RALYL: variants seen among roughly 807,000 people sequenced by gnomAD.
The protein encoded by RALYL is RALY RNA binding protein like.
A neutral mutation model predicts 35.1 loss-of-function variants in RALYL; 29 were observed. The observed-to-expected ratio is 0.83, with a 90% CI of 0.61 to 1.13. The LOEUF is 1.13. Among genes scored for constraint, RALYL ranks in the 50% most tolerant of loss-of-function variants. The probability of loss-of-function intolerance (pLI) is 0.00; values close to 1 mark genes in which losing one functional copy is unlikely to be tolerated. For missense variants in RALYL, 359 were observed against 360.4 expected (o/e 1.00, Z 0.03); for synonymous variants, 120 against 127.6 (o/e 0.94, Z 0.40).
intron 2 of RALYL, among the ~76,000 whole-genome samples, chr8:84,736,657 G>A (rs371253574): frequency 3.9e-5 from 6 of 151,950 alleles, no homozygotes; most frequent in Non-Finnish European, 7.4e-5. Context: ...AATGCTTAGA[G>A]GTCTATTATC....
At chr8:84,495,119 T>A (rs992944236) in intron 1 of RALYL, among the ~76,000 whole-genome samples, 16 of 152,260 alleles carry the variant, frequency 1.1e-4, no homozygotes, top group African/African-American at 3.6e-4. Flanking sequence ...GATGTTGAAT[T>A]TTATCGAAGC....
intron 2 of RALYL, among the ~76,000 whole-genome samples, chr8:84,773,557 G>T (rs1816078474): frequency 1.3e-5 from 2 of 152,074 alleles, no homozygotes; most frequent in Admixed American, 1.3e-4. Flanking sequence ...TAAGATTGAG[G>T]TTGGTCAGTT....
intron 2 of RALYL, among the ~76,000 whole-genome samples, chr8:84,540,054 C>T (rs7820792): frequency 0.37 from 55,497 of 150,796 alleles, 10,368 homozygotes; most frequent in South Asian, 0.51. Flanking sequence ...TGTTTATTCC[C>T]GGTCTATTTA....
chr8:84,747,475 G>A (rs1808890812), intron 2 of RALYL, among the ~76,000 whole-genome samples: 1 of 151,764 alleles, frequency 6.6e-6, no homozygotes, highest in Non-Finnish European at 1.5e-5. Flanking sequence ...CTCATTTACA[G>A]AGAGTTAATT....
chr8:84,250,596 G>T, intron 1 of RALYL, among the ~76,000 whole-genome samples: 1 of 152,166 alleles, frequency 6.6e-6, no homozygotes, highest in Non-Finnish European at 1.5e-5. Context: ...GCAATTTCAA[G>T]ATAGAAGTAT....
chr8:84,553,716 A>G (rs1013303136), intron 2 of RALYL, among the ~76,000 whole-genome samples: 4 of 152,220 alleles, frequency 2.6e-5, no homozygotes, highest in Non-Finnish European at 4.4e-5. Flanking sequence ...GCCTGGAAAA[A>G]AAAAAGGAGT....
intron 1 of RALYL, among the ~76,000 whole-genome samples, chr8:84,352,611 C>T (rs958582982): frequency 1.3e-5 from 2 of 150,112 alleles, no homozygotes; most frequent in East Asian, 1.9e-4. Context: ...GGAATTAGGC[C>T]GTTTTTAGAA....
At chr8:84,918,473 TTCA>T (rs1182238637) in intron 8 of RALYL, among the ~76,000 whole-genome samples, 1 of 151,978 alleles carries the variant, frequency 6.6e-6, no homozygotes, top group Non-Finnish European at 1.5e-5. Flanking sequence ...TTAAAAAGCA[TTCA>T]TCATCAGGAG....
intron 2 of RALYL, among the ~76,000 whole-genome samples, chr8:84,542,376 ACATT>A (rs1360713411): frequency 6.6e-6 from 1 of 152,126 alleles, no homozygotes; most frequent in East Asian, 1.9e-4. Flanking sequence ...GTAAATACAT[ACATT>A]ATAATTTCTT....
At chr8:84,337,518 A>C (rs533077532) in intron 1 of RALYL, among the ~76,000 whole-genome samples, 1 of 152,094 alleles carries the variant, frequency 6.6e-6, no homozygotes, top group Non-Finnish European at 1.5e-5. Context: ...ATGTCTATAC[A>C]TGGCTACAGT....
At chr8:84,308,160 C>A (rs6473541) in intron 1 of RALYL, among the ~76,000 whole-genome samples, 7,182 of 148,330 alleles carry the variant, frequency 0.048, 264 homozygotes, top group African/African-American at 0.085. Flanking sequence ...AGATTCTACA[C>A]GGAAAAAAAA....
intron 1 of RALYL, among the ~76,000 whole-genome samples, chr8:84,470,488 CA>C (rs35871045): frequency 8.1e-5 from 12 of 148,784 alleles, no homozygotes; most frequent in African/African-American, 2.0e-4. Context: ...TTTCTGTTGC[CA>C]AAAAAAGCCT....
chr8:84,544,606 A>C (rs1193636475), intron 2 of RALYL, among the ~76,000 whole-genome samples: 2 of 152,092 alleles, frequency 1.3e-5, no homozygotes, highest in Non-Finnish European at 2.9e-5. Context: ...GTTACACTGC[A>C]GAAAATAACC....
At chr8:84,235,767 CTTTTT>C (rs556495836) in intron 1 of RALYL, among the ~76,000 whole-genome samples, 1 of 126,936 alleles carries the variant, frequency 7.9e-6, no homozygotes, top group Admixed American at 8.1e-5. Flanking sequence ...TTTTCTTTTT[CTTTTT>C]TTTTTTTTTT....
intron 1 of RALYL, among the ~76,000 whole-genome samples, chr8:84,313,246 A>AT (rs1843134165): frequency 6.6e-6 from 1 of 151,862 alleles, no homozygotes; most frequent in Non-Finnish European, 1.5e-5. Flanking sequence ...CCACGAAACC[A>AT]TTTTTTCCTC....
At chr8:84,477,273 C>T (rs1295561981) in intron 1 of RALYL, among the ~76,000 whole-genome samples, 1 of 151,856 alleles carries the variant, frequency 6.6e-6, no homozygotes, top group Non-Finnish European at 1.5e-5. Context: ...TAAATTGGAT[C>T]GGGAGTTAGG....
At chr8:84,887,479 C>A (rs774226225) in intron 7 of RALYL, 125 bp from the exon 8 acceptor site, 7 of 685,436 alleles carry the variant, frequency 1.0e-5, no homozygotes, top group Non-Finnish European at 1.4e-5. Context: ...ATAATATTAC[C>A]TTACCTTCTG....
intron 1 of RALYL, among the ~76,000 whole-genome samples, chr8:84,401,856 T>G (rs1349334521): frequency 6.6e-6 from 1 of 151,762 alleles, no homozygotes; most frequent in Non-Finnish European, 1.5e-5. Flanking sequence ...GACTTTAATT[T>G]CTGGATTTAT....
intron 2 of RALYL, among the ~76,000 whole-genome samples, chr8:84,613,375 G>T (rs1242391869): frequency 6.6e-6 from 1 of 151,396 alleles, no homozygotes; most frequent in Admixed American, 6.6e-5. Flanking sequence ...CACAAAATTT[G>T]GGCAGAAAGC....
Sources: allele counts gnomAD v4.1 joint callset (sites outside exome capture counted in the v4.1 genomes callset), GRCh38; gene constraint gnomAD v4.1.1; transcripts MANE v1.5; gene names NCBI Gene and HGNC (gene_info 2026-07-23, HGNC 2026-07-21).